Variants in NECAB3 observed in about 807,000 individuals in gnomAD.
NECAB3 encodes N-terminal EF-hand calcium-binding protein 3.
NECAB3 carries 38 observed loss-of-function variants against 57.2 expected under a neutral mutation model. That is an observed-to-expected ratio of 0.66 (90% confidence interval 0.51 to 0.87). The LOEUF is 0.87. Among genes scored for constraint, NECAB3 ranks in the 40% least tolerant of loss-of-function variants. The pLI is 0.00. For synonymous variants in NECAB3, 223 were observed against 222.6 expected, an observed-to-expected ratio of 1.00 and a Z score of -0.02; for missense variants, 474 against 527.5, an observed-to-expected ratio of 0.90 and a Z score of 0.99.
chr20:33,673,936 G>A (rs2017889893), intron 1 of NECAB3, among the ~76,000 whole-genome samples: 2 of 152,114 alleles, frequency 1.3e-5, no homozygotes, highest in Admixed American at 6.5e-5. Context: ...CACAGAGTGG[G>A]GTGACCGCTG....
rs2017434347 is a variant in NECAB3, at chr20:33,660,432, C to G, written c.388-37G>C. The G allele has an allele frequency of 6.2e-7, 1 of 1,604,992 alleles. No homozygotes were observed. Among genetic ancestry groups the G allele is most frequent in the East Asian group, 2.2e-5 (1 of 44,668 alleles). ...GGAGGGACGGTCAGCATCTCCCAGC[C>G]CGGGCACTGATCTCTTGAGTGGGTC... On this transcript the variant is annotated intron_variant, in intron 5 of 11. Transcript: ENST00000246190. This position sits in a 1 kb window ranked among gnomAD's most constrained non-coding sequence, Gnocchi z 4.1.
chr20:33,658,787 C>A lies in NECAB3; in HGVS notation c.927G>T (p.Leu309=), dbSNP rs769925222. 1 of 1,613,470 alleles carries A rather than the reference C, an allele frequency of 6.2e-7. No individual in the cohort carries two copies. Among genetic ancestry groups the A allele is most frequent in the East Asian group, 2.2e-5 (1 of 44,866 alleles). Reference sequence around the variant, plus strand: ...AGCGCAGGGCTCGGTGGAAGTCCTGCAGGCCTTCCTCTGCCACCTGGACCT... The same window carrying A: ...AGCGCAGGGCTCGGTGGAAGTCCTGAAGGCCTTCCTCTGCCACCTGGACCT... ...QRQVQVAEEG[L]QDFHRALRCY... Residue 309 remains leucine, a synonymous_variant, in exon 9 of 12, where the codon CTG becomes CTT. Transcript: ENST00000246190.
chr20:33,670,836 G>T (rs1375332518), intron 2 of NECAB3, 44 bp from the exon 3 acceptor site: 2 of 1,444,286 alleles, frequency 1.4e-6, no homozygotes, highest in East Asian at 4.6e-5. Flanking sequence ...AGGTATCCCT[G>T]ACCCTGACTG....
rs1385197642 is a variant in NECAB3 at position 33,660,901 on chromosome 20, G to T, written c.388-506C>A. Among the ~76,000 whole-genome samples the T allele has an allele frequency of 6.6e-6, 1 of 152,068 alleles. No individual in the cohort carries two copies. Among genetic ancestry groups the T allele is most frequent in the African/African-American group, 2.4e-5 (1 of 41,424 alleles). ...GGAGCTGCTGATAAAAGACAATCAG[G>T]TTGCCATTCTCACTCAGACACACAC... On this transcript the variant is annotated intron_variant, in intron 5 of 11. Transcript: ENST00000246190. The surrounding 1 kb of genome is among the most constrained non-coding windows in gnomAD (Gnocchi z 4.1).
At chr20:33,661,695 G>C (rs925113771) in intron 5 of NECAB3, among the ~76,000 whole-genome samples, 1 of 152,208 alleles carries the variant, frequency 6.6e-6, no homozygotes, top group Non-Finnish European at 1.5e-5. Flanking sequence ...GTATCACCCA[G>C]GCTGGAGTGA....
chr20:33,663,462 C>A, intron 5 of NECAB3: 1 of 1,501,388 alleles, frequency 6.7e-7, no homozygotes, highest in Non-Finnish European at 8.9e-7. Flanking sequence ...AGGAGAAGCG[C>A]GGAGCGGCCC....
Position 33,668,942 on chromosome 20 carries a change from C to T in NECAB3, c.387+433G>A, listed in dbSNP as rs192706862. Among the ~76,000 whole-genome samples, 29 of 152,364 alleles carry T rather than the reference C, an allele frequency of 1.9e-4. 1 individual carries two copies. The highest frequency in any genetic ancestry group is 1.5e-3 in the Admixed American group (23 of 15,310). ...GGGTGTTCACGTACCTGCCTACTCACGTATGTCCTCGGGCCAGGCCCTGCC... is the reference window on the plus strand; with the variant it reads ...GGGTGTTCACGTACCTGCCTACTCATGTATGTCCTCGGGCCAGGCCCTGCC... On this transcript the variant is annotated intron_variant, in intron 5 of 11. Transcript: ENST00000246190.
At chr20:33,667,427 T>C (rs3746459) in intron 5 of NECAB3, 732,487 of 1,407,460 alleles carry the variant, frequency 0.52, 198,676 homozygotes, top group African/African-American at 0.91. Flanking sequence ...GACTCGCCGT[T>C]GGCGCCGCCC....
chr20:33,658,139 C>T, intron 10 of NECAB3, 106 bp from the exon 11 acceptor site: 1 of 1,002,470 alleles, frequency 1.0e-6, no homozygotes, highest in Non-Finnish European at 1.5e-6. Context: ...AGCCTCAGTC[C>T]TCTCCCCTGT....
intron 9 of NECAB3, 41 bp from the exon 10 acceptor site, chr20:33,658,595 C>T: frequency 6.2e-7 from 1 of 1,611,106 alleles, no homozygotes. Context: ...CCAGGGCTGC[C>T]ACCACCTCTG....
intron 5 of NECAB3, chr20:33,663,444 A>G: frequency 7.2e-7 from 1 of 1,397,698 alleles, no homozygotes; most frequent in South Asian, 1.3e-5. Context: ...CGGGTGGACG[A>G]GGGTCCCAGG....
At chr20:33,659,778 C>T in intron 7 of NECAB3, 46 bp from the exon 8 acceptor site, 1 of 1,539,308 alleles carries the variant, frequency 6.5e-7, no homozygotes. Context: ...CTCTCAGGTC[C>T]CGCAGGTGCT....
chr20:33,657,896 C>A, intron 11 of NECAB3, 39 bp from the exon 12 acceptor site: 1 of 1,547,180 alleles, frequency 6.5e-7, no homozygotes, highest in Non-Finnish European at 8.7e-7. Flanking sequence ...CCCTCAGGAG[C>A]CCACTGCCCC....
chr20:33,659,553 G>A lies in NECAB3; in HGVS notation c.823C>T (p.Gln275Ter). 1.3e-6 allele frequency: 2 copies of A among 1,564,792 alleles called. No homozygotes were observed. The highest frequency in any genetic ancestry group is 1.7e-6 in the Non-Finnish European group (2 of 1,151,552). Residue 275 changes from glutamine (Q) to a stop codon, truncating the protein, a stop_gained, in exon 8 of 12, where the codon CAG (glutamine) becomes TAG (stop). Transcript: ENST00000246190. LOFTEE classifies it high-confidence loss of function. ...WRPGPHSVPS[Q>*]APRLEPLREE... ...CGCAGGGGTTCCAGCCGGGGGGCCT[G>A]TGAGGGCACAGAGTGTGGGCCGGGC...
chr20:33,667,806 G>A (rs1215716970), intron 5 of NECAB3: 8 of 1,612,490 alleles, frequency 5.0e-6, no homozygotes, highest in South Asian at 1.1e-5. Context: ...GCCACCATCC[G>A]GCCAGTTTCA....
chr20:33,669,251 G>C (rs1452192403), intron 5 of NECAB3, 124 bp downstream of exon 5: 3 of 920,952 alleles, frequency 3.3e-6, no homozygotes, highest in Non-Finnish European at 5.0e-6. Flanking sequence ...TACAAAGTGG[G>C]AGCCAGGATT....
chr20:33,672,738 A>G (rs1415528038), intron 1 of NECAB3, among the ~76,000 whole-genome samples: 4 of 152,164 alleles, frequency 2.6e-5, no homozygotes, highest in Non-Finnish European at 4.4e-5. Context: ...TCTATCTGAT[A>G]CATCAGCCCC....
intron 5 of NECAB3, chr20:33,663,486 C>A (rs906505629): frequency 1.9e-6 from 3 of 1,563,368 alleles, no homozygotes; most frequent in African/African-American, 1.4e-5. Flanking sequence ...GTCGTGGGCT[C>A]GGCCCTAGCG....
Position 33,664,276 on chromosome 20 carries a change from C to T in NECAB3, c.388-3881G>A, listed in dbSNP as rs80300688. ...CCAGCATCCAGAAATCCCTCTTAGG[C>T]ATGAGGGAGGGTTCCCGGCCAACAG... On this transcript the variant is annotated intron_variant, in intron 5 of 11. Transcript: ENST00000246190. The T allele has an allele frequency of 5.1e-3, 923 of 179,942 alleles. 6 individuals carry two copies. Among genetic ancestry groups the T allele is most frequent in the African/African-American group, 0.02 (859 of 42,520 alleles). 11.1% of individuals were successfully genotyped at this position (179,942 alleles called of 1,614,324 possible).
Sources: gnomAD v4.1 joint callset for allele counts (sites outside exome capture counted in the v4.1 genomes callset) on GRCh38, gnomAD v4.1.1 for gene constraint, Gnocchi (gnomAD v3.1) non-coding constraint, MANE v1.5 for transcripts, NCBI Gene and HGNC (gene_info 2026-07-23, HGNC 2026-07-21) for gene names.